Variants in CACNA1C observed in about 807,000 individuals in gnomAD.
CACNA1C encodes the protein calcium voltage-gated channel subunit alpha1 C.
CACNA1C carries 30 observed loss-of-function variants against 229.0 expected under a neutral mutation model. The observed-to-expected ratio is 0.13, with a 90% CI of 0.10 to 0.18. The LOEUF is 0.18. CACNA1C is among the 10% of genes least tolerant of loss of function. The pLI is 1.00. For missense variants in CACNA1C, 1,658 were observed against 2,845.0 expected (o/e 0.58, Z 9.49); for synonymous variants, 1,114 against 1,132.5 (o/e 0.98, Z 0.33).
chr12:2,612,194 A>G (rs1000353981), intron 29 of CACNA1C, 181 bp downstream of exon 29: 11 of 564,142 alleles, frequency 1.9e-5, no homozygotes, highest in African/African-American at 3.8e-5. Flanking sequence ...AACCAGGCCA[A>G]CTCCAGGAAA....
intron 3 of CACNA1C, among the ~76,000 whole-genome samples, chr12:2,384,992 C>A (rs1395100766): frequency 6.6e-6 from 1 of 152,122 alleles, no homozygotes; most frequent in South Asian, 2.1e-4. Flanking sequence ...GCCAACTGAC[C>A]GTGAAAGGAG....
chr12:2,417,866 C>G (rs546688258), intron 3 of CACNA1C, among the ~76,000 whole-genome samples: 5 of 152,086 alleles, frequency 3.3e-5, no homozygotes, highest in Admixed American at 3.3e-4. Flanking sequence ...AAGATTGACA[C>G]AGGAATGGCA....
At chr12:2,064,129 C>T (rs1323169695) in intron 1 of CACNA1C, among the ~76,000 whole-genome samples, 1 of 152,152 alleles carries the variant, frequency 6.6e-6, no homozygotes, top group Admixed American at 6.5e-5. Context: ...TGAGGAGTGA[C>T]TGATACTGCC....
chr12:2,053,300 A>C lies in CACNA1C; in HGVS notation c.-263A>C. The stretch of plus-strand genomic sequence containing the variant: ...CGGAGGTGCGGTGCTCAGTTCTTGG[A>C]AGGGGCCCGGATGTACTGAGGATGC... On this transcript the variant is annotated 5_prime_UTR_variant, in exon 1 of 47. Coordinates refer to ENST00000399655, the MANE Select transcript of CACNA1C (RefSeq NM_000719.7). The surrounding 1 kb of genome is among the most constrained non-coding windows in gnomAD (Gnocchi z 5.8). 2 of 1,178,176 alleles carry C rather than the reference A, an allele frequency of 1.7e-6. No individual in the cohort carries two copies. The highest frequency in any genetic ancestry group is 1.1e-6 in the Non-Finnish European group (1 of 951,850). The allele number at this position is 1,178,176 out of a possible 1,614,324, so 73.0% of individuals were successfully genotyped here. A position where few individuals can be genotyped will look rare whatever the true frequency, so the allele number is the denominator to read the frequency against.
At position 2,682,516 on chromosome 12, in the gene CACNA1C, T is replaced by A. The variant is rs2097200083; in HGVS notation, c.5445-34T>A. ...GAAGGAAGTGGAGGAAGGTTGGCAGTTTCTGATGTTTTTCTTCATCTTGGA... is the reference window on the plus strand; with the variant it reads ...GAAGGAAGTGGAGGAAGGTTGGCAGATTCTGATGTTTTTCTTCATCTTGGA... On this transcript the variant is annotated intron_variant, in intron 42 of 46. Coordinates refer to ENST00000399655, the MANE Select transcript of CACNA1C (RefSeq NM_000719.7). 3.1e-6 allele frequency: 5 copies of A among 1,604,826 alleles called. No homozygotes were observed. The East Asian group carries it at 1.1e-4, about 36-fold the overall frequency.
Position 2,690,968 on chromosome 12 carries a change from G to A in CACNA1C, c.6186G>A (p.Glu2062=), listed in dbSNP as rs2097779039. Residue 2062 remains glutamate, a synonymous_variant, in exon 47 of 47, where the codon GAG becomes GAA. Transcript: ENST00000399655. The part of the protein sequence containing the change: ...DPKFIEVTTQ[E]LADACDMTIE... ...AGTTCATCGAGGTCACCACCCAGGAGCTGGCCGACGCCTGCGACATGACCA... is the reference window on the plus strand; with the variant it reads ...AGTTCATCGAGGTCACCACCCAGGAACTGGCCGACGCCTGCGACATGACCA... The A allele has an allele frequency of 6.3e-7, 1 of 1,598,782 alleles. No individual in the cohort carries two copies. The highest frequency in any genetic ancestry group is 8.5e-7 in the Non-Finnish European group (1 of 1,172,476).
intron 3 of CACNA1C, among the ~76,000 whole-genome samples, chr12:2,334,126 A>G (rs1394071323): frequency 1.3e-5 from 2 of 152,204 alleles, no homozygotes; most frequent in Non-Finnish European, 2.9e-5. Flanking sequence ...TGGGCCCTCC[A>G]TGCTTATAAA....
At chr12:2,557,003 C>T (rs765058112) in intron 11 of CACNA1C, 26 bp downstream of exon 11, 20 of 1,603,466 alleles carry the variant, frequency 1.2e-5, no homozygotes, top group Admixed American at 6.7e-5. Context: ...GCTGCTCTTC[C>T]TTCCTTCTGC....
Position 2,602,650 on chromosome 12 carries a change from G to GC in CACNA1C, c.2960+690_2960+691insC, listed in dbSNP as rs2073247675. 6.6e-6 allele frequency among the ~76,000 whole-genome samples: 1 copy of GC among 151,552 alleles called. No homozygotes were observed. Among genetic ancestry groups the GC allele is most frequent in the Non-Finnish European group, 1.5e-5 (1 of 67,814 alleles). On this transcript the variant is annotated intron_variant, in intron 22 of 46. Transcript: ENST00000399655. This position sits in a 1 kb window ranked among gnomAD's most constrained non-coding sequence, Gnocchi z 4.4. ...GTGTCTTGTGTGTGTGTGTGTGTGT[G>GC]TGTGTGTGTGTGTGTGTGTGAGTTT...
At chr12:2,274,072 G>A (rs1040126732) in intron 3 of CACNA1C, among the ~76,000 whole-genome samples, 2 of 152,220 alleles carry the variant, frequency 1.3e-5, no homozygotes, top group Non-Finnish European at 2.9e-5. Context: ...GGTCGAAGGA[G>A]TGGCATAAGG....
At chr12:2,381,276 G>A (rs1276068620) in intron 3 of CACNA1C, among the ~76,000 whole-genome samples, 1 of 152,226 alleles carries the variant, frequency 6.6e-6, no homozygotes, top group Admixed American at 6.5e-5. Context: ...GCCATTGCCT[G>A]TGATTCTCAG....
chr12:2,325,065 C>G (rs1178955738), intron 3 of CACNA1C, among the ~76,000 whole-genome samples: 12 of 152,204 alleles, frequency 7.9e-5, no homozygotes. Context: ...CTGCCTGGAC[C>G]TGGGCTCTCT....
At chr12:2,219,754 C>G (rs12302646) in intron 3 of CACNA1C, among the ~76,000 whole-genome samples, 1 of 152,010 alleles carries the variant, frequency 6.6e-6, no homozygotes, top group Non-Finnish European at 1.5e-5. Context: ...CTTGCTTTCA[C>G]GAACACTGAG....
At chr12:2,304,664 A>G (rs1592216412) in intron 3 of CACNA1C, among the ~76,000 whole-genome samples, 1 of 152,176 alleles carries the variant, frequency 6.6e-6, no homozygotes, top group Non-Finnish European at 1.5e-5. Context: ...CACAAAGCAC[A>G]TTCCCAGGAG....
intron 1 of CACNA1C, among the ~76,000 whole-genome samples, chr12:2,072,586 C>CA (rs1226835394): frequency 6.6e-6 from 1 of 152,176 alleles, no homozygotes. Context: ...ATGGAACTTA[C>CA]TTATTTACAG....
intron 3 of CACNA1C, among the ~76,000 whole-genome samples, chr12:2,124,623 A>G (rs2089157424): frequency 6.6e-6 from 1 of 152,184 alleles, no homozygotes; most frequent in African/African-American, 2.4e-5. Context: ...TGAAGAGAAA[A>G]AGAAAGCTTG....
intron 3 of CACNA1C, among the ~76,000 whole-genome samples, chr12:2,172,302 A>G (rs2096516914): frequency 6.6e-6 from 1 of 152,220 alleles, no homozygotes; most frequent in Admixed American, 6.5e-5. Context: ...AGTCTGAGCC[A>G]GAGGCTCTAT....
Position 2,566,539 on chromosome 12 carries a change from C to T in CACNA1C, c.1626C>T (p.Ala542=). ...TGTTCCTCAACACGCTCACCATTGC[C>T]TCTGAGCACTACAACCAGCCCAACT... is the stretch of plus-strand genomic sequence containing the variant. ...FLVFLNTLTI[A]SEHYNQPNWL... The change falls in exon 12 of 47, where the codon GCC becomes GCT. Residue 542 remains alanine (A), a synonymous_variant. Transcript: ENST00000399655. This position sits in a 1 kb window ranked among gnomAD's most constrained non-coding sequence, Gnocchi z 4.0. The T allele has an allele frequency of 1.3e-6, 2 of 1,598,764 alleles. No homozygotes were observed. Among genetic ancestry groups the T allele is most frequent in the Non-Finnish European group, 1.7e-6 (2 of 1,172,882 alleles).
At chr12:2,494,946 A>G (rs2099743659) in intron 7 of CACNA1C, among the ~76,000 whole-genome samples, 1 of 152,174 alleles carries the variant, frequency 6.6e-6, no homozygotes, top group Admixed American at 6.5e-5. Context: ...AGTCATAAAT[A>G]AGATCCAGTC....
Sources: gnomAD v4.1 joint callset for allele counts (sites outside exome capture counted in the v4.1 genomes callset) on GRCh38, gnomAD v4.1.1 for gene constraint, Gnocchi (gnomAD v3.1) non-coding constraint, MANE v1.5 for transcripts, NCBI Gene and HGNC (gene_info 2026-07-23, HGNC 2026-07-21) for gene names.